DNAAF9: variants seen among roughly 807,000 people sequenced by gnomAD.
The protein encoded by DNAAF9 is dynein axonemal assembly factor 9, also known as shulin.
In DNAAF9, 90 loss-of-function variants were observed where a neutral mutation model predicts 167.0. That is an observed-to-expected ratio of 0.54 (90% CI 0.45 to 0.64). The LOEUF (loss-of-function observed/expected upper bound fraction) is 0.64. DNAAF9 is among the 30% of genes least tolerant of loss of function. The probability of loss-of-function intolerance (pLI) is 0.00; values close to 1 mark genes in which losing one functional copy is unlikely to be tolerated. For missense variants in DNAAF9, 1,315 were observed against 1,442.2 expected, an observed-to-expected ratio of 0.91 and a Z score of 1.43; for synonymous variants, 491 against 508.8, an observed-to-expected ratio of 0.96 and a Z score of 0.47.
rs112565753 is a variant in DNAAF9, at chr20:3,299,699, T to A, written c.1783-1524A>T. 1.5e-3 allele frequency among the ~76,000 whole-genome samples: 234 copies of A among 152,352 alleles called. 1 individual carries two copies. Among genetic ancestry groups the A allele is most frequent in the African/African-American group, 5.4e-3 (224 of 41,584 alleles). On this transcript the variant is annotated intron_variant, in intron 21 of 36. Coordinates refer to ENST00000252032, the MANE Select transcript of DNAAF9 (RefSeq NM_001009984.3). ...AAAAATGATTTGATACAAAAGTTTATTTCTGGGCTCTCCATGGGTCTAGTC... is the reference window on the plus strand; with the variant it reads ...AAAAATGATTTGATACAAAAGTTTAATTCTGGGCTCTCCATGGGTCTAGTC...
At chr20:3,300,678 AAAT>A (rs34199778) in intron 21 of DNAAF9, among the ~76,000 whole-genome samples, 44,952 of 133,762 alleles carry the variant, frequency 0.34, 7,746 homozygotes, top group Non-Finnish European at 0.4. Flanking sequence ...GACTCCATCT[AAAT>A]AATAATAATA....
At chr20:3,394,942 CT>C (rs1258382355) in intron 1 of DNAAF9, among the ~76,000 whole-genome samples, 9 of 89,020 alleles carry the variant, frequency 1.0e-4, no homozygotes, top group African/African-American at 3.1e-4. Context: ...TGAACATTTT[CT>C]TTTTTCTTTT....
At chr20:3,354,362 C>T (rs1177788555) in intron 7 of DNAAF9, among the ~76,000 whole-genome samples, 1 of 152,206 alleles carries the variant, frequency 6.6e-6, no homozygotes, top group Non-Finnish European at 1.5e-5. Flanking sequence ...AAGAAAGATG[C>T]AACAGAGGTC....
chr20:3,281,874 A>G, intron 27 of DNAAF9, 108 bp from the exon 28 acceptor site: 1 of 1,118,040 alleles, frequency 8.9e-7, no homozygotes, highest in Non-Finnish European at 1.3e-6. Context: ...GAAAACCAAA[A>G]GGAAGAGCCC....
intron 33 of DNAAF9, among the ~76,000 whole-genome samples, chr20:3,257,531 G>A (rs1185890556): frequency 6.6e-6 from 1 of 151,842 alleles, no homozygotes; most frequent in Non-Finnish European, 1.5e-5. Flanking sequence ...AAAGAAGAAA[G>A]AAATAAAAAT....
At chr20:3,406,372 T>C (rs1873244849) in intron 1 of DNAAF9, among the ~76,000 whole-genome samples, 1 of 152,212 alleles carries the variant, frequency 6.6e-6, no homozygotes, top group African/African-American at 2.4e-5. Context: ...ATATTTGCTT[T>C]GCTATGTGGC....
At chr20:3,326,724 G>C (rs1486602189) in intron 12 of DNAAF9, among the ~76,000 whole-genome samples, 2 of 149,740 alleles carry the variant, frequency 1.3e-5, no homozygotes, top group Admixed American at 1.3e-4. Context: ...CTCCAGCCTG[G>C]GTGACAGAGT....
chr20:3,328,766 A>G lies in DNAAF9; in HGVS notation c.1100+1880T>C, dbSNP rs114818786. ...GAAAGGAAACCCACAAAAGAACTAC[A>G]TACACACTATGATTACAGCTTAATA... On this transcript the variant is annotated intron_variant, in intron 12 of 36. Transcript: ENST00000252032. Among the ~76,000 whole-genome samples, 1,369 of 152,272 alleles carry G rather than the reference A, an allele frequency of 9.0e-3. 20 individuals are homozygous for G. Among genetic ancestry groups the G allele is most frequent in the African/African-American group, 0.032 (1,314 of 41,554 alleles).
chr20:3,399,052 T>C (rs1236620632), intron 1 of DNAAF9, among the ~76,000 whole-genome samples: 1 of 152,196 alleles, frequency 6.6e-6, no homozygotes, highest in Admixed American at 6.5e-5. Context: ...AAGAATGTGC[T>C]GGCATCACTG....
Position 3,252,723 on chromosome 20 carries a change from G to A in DNAAF9, c.3422-39C>T, listed in dbSNP as rs2068214372. On this transcript the variant is annotated intron_variant, in intron 36 of 36. Transcript: ENST00000252032. ...AAGGAAGAGAGCTCTGAGCCTGGAG[G>A]ACAAGGGAGGCTGCCTGAGCCCAGA... is the stretch of plus-strand genomic sequence containing the variant. 6 of 1,260,262 alleles carry A rather than the reference G, an allele frequency of 4.8e-6. No homozygotes were observed. The East Asian group carries it at 1.4e-4, about 29-fold the overall frequency. The allele number at this position is 1,260,262 out of a possible 1,614,324, so 78.1% of individuals were successfully genotyped here.
At chr20:3,367,851 T>C (rs2083449629) in intron 6 of DNAAF9, among the ~76,000 whole-genome samples, 1 of 150,908 alleles carries the variant, frequency 6.6e-6, no homozygotes, top group Non-Finnish European at 1.5e-5. Context: ...GAACACGTGC[T>C]GTTGGAAAAT....
chr20:3,330,099 TA>T (rs1263155371), intron 12 of DNAAF9, among the ~76,000 whole-genome samples: 1 of 152,200 alleles, frequency 6.6e-6, no homozygotes, highest in Non-Finnish European at 1.5e-5. Flanking sequence ...AGTTACATCA[TA>T]AATGCATGGG....
rs145871439 is a variant in DNAAF9, at chr20:3,387,527, T to C, written c.84-5021A>G. 1.6e-3 allele frequency among the ~76,000 whole-genome samples: 249 copies of C among 152,164 alleles called. 2 individuals are homozygous for C. Among genetic ancestry groups the C allele is most frequent in the African/African-American group, 5.8e-3 (239 of 41,534 alleles). The stretch of plus-strand genomic sequence containing the variant: ...AAAGACCTAAACATAAACATAAAAC[T>C]ATAAAACTTTTATAACAAAACACAA... On this transcript the variant is annotated intron_variant, in intron 1 of 36. Transcript: ENST00000252032.
At chr20:3,362,087 G>A in intron 6 of DNAAF9, 1 of 1,404,634 alleles carries the variant, frequency 7.1e-7, no homozygotes, top group Non-Finnish European at 1.0e-6. Flanking sequence ...ATTACAAAGG[G>A]GGGTGCTTCT....
chr20:3,306,613 C>G (rs2069299627), intron 20 of DNAAF9, among the ~76,000 whole-genome samples: 1 of 152,198 alleles, frequency 6.6e-6, no homozygotes, highest in Non-Finnish European at 1.5e-5. Context: ...ACAGGTTTGT[C>G]TGATGCCAAA....
At chr20:3,326,134 A>G in intron 13 of DNAAF9, 63 bp downstream of exon 13, 3 of 1,227,730 alleles carry the variant, frequency 2.4e-6, no homozygotes, top group Non-Finnish European at 3.6e-6. Context: ...GAAGAAACAC[A>G]TGGATAGAAT....
intron 20 of DNAAF9, among the ~76,000 whole-genome samples, chr20:3,312,461 C>A (rs1368800040): frequency 6.6e-6 from 1 of 151,800 alleles, no homozygotes; most frequent in Non-Finnish European, 1.5e-5. Flanking sequence ...ACAACTTGCA[C>A]AACATCAGGC....
chr20:3,402,372 G>GTT (rs35729715), intron 1 of DNAAF9, among the ~76,000 whole-genome samples: 30,779 of 151,078 alleles, frequency 0.2, 3,296 homozygotes, highest in African/African-American at 0.23. Context: ...ACCTCACATA[G>GTT]TTTTTTTTTG....
intron 21 of DNAAF9, among the ~76,000 whole-genome samples, chr20:3,299,683 T>G (rs898349503): frequency 6.6e-6 from 1 of 152,204 alleles, no homozygotes; most frequent in Non-Finnish European, 1.5e-5. Flanking sequence ...CAAAAATGAT[T>G]TGATACAAAA....
Sources: gnomAD v4.1 joint callset for allele counts (sites outside exome capture counted in the v4.1 genomes callset) on GRCh38, gnomAD v4.1.1 for gene constraint, MANE v1.5 for transcripts, NCBI Gene and HGNC (gene_info 2026-07-23, HGNC 2026-07-21) for gene names.